CEP70: variants seen among roughly 807,000 people sequenced by gnomAD.
CEP70 encodes the protein centrosomal protein 70.
CEP70 carries 70 observed loss-of-function variants against 90.9 expected under a neutral mutation model. The observed-to-expected ratio is 0.77, with a 90% CI of 0.64 to 0.94. The LOEUF is 0.94. Among genes scored for constraint, CEP70 ranks in the 40% least tolerant of loss-of-function variants. The pLI is 0.00. For synonymous variants in CEP70, 220 were observed against 228.3 expected (o/e 0.96, Z 0.33); for missense variants, 648 against 669.0 (o/e 0.97, Z 0.35).
In CEP70 at chr3:138,571,295, A is replaced by G; in HGVS notation, c.131T>C (p.Leu44Ser). ...GAGATCTGTTCTTTTGACTAGAGAC[A>G]AAGGTTTTAAGCCATGCATCATCAA... is the stretch of plus-strand genomic sequence containing the variant. The part of the protein sequence containing the change: ...VLLMMHGLKP[L>S]SLVKRTDLKD... Residue 44 changes from leucine to serine, a missense_variant, in exon 4 of 18, where the codon TTG (leucine) becomes TCG (serine). By Grantham distance (145) the Leu-to-Ser change is moderately radical. Coordinates refer to ENST00000264982, the MANE Select transcript of CEP70 (RefSeq NM_024491.4). The G allele has an allele frequency of 6.2e-7, 1 of 1,610,984 alleles. No individual in the cohort carries two copies. The highest frequency in any genetic ancestry group is 8.5e-7 in the Non-Finnish European group (1 of 1,178,414).
In CEP70 at chr3:138,572,915, C is replaced by T. The variant is rs1300626056; in HGVS notation, c.13G>A (p.Ala5Thr). 3.1e-6 allele frequency: 5 copies of T among 1,609,738 alleles called. No individual in the cohort carries two copies. The highest frequency in any genetic ancestry group is 4.2e-6 in the Non-Finnish European group (5 of 1,177,490). ...TGACTGGAATCCTGGGGTTTAGGGG[C>T]TACCGGAAACATAGTTACTTTTGTA... is the stretch of plus-strand genomic sequence containing the variant. MFPV[A>T]PKPQDSSQPS... The change falls in exon 3 of 18, where the codon GCC (alanine) becomes ACC (threonine). Residue 5 changes from alanine (A) to threonine (T), a missense_variant. Coordinates refer to ENST00000264982, the MANE Select transcript of CEP70 (RefSeq NM_024491.4).
chr3:138,530,858 C>T, intron 8 of CEP70: 1 of 984,566 alleles, frequency 1.0e-6, no homozygotes, highest in Non-Finnish European at 1.2e-6. Context: ...ATCTCACTTT[C>T]AAGTTAGTAC....
intron 6 of CEP70, among the ~76,000 whole-genome samples, chr3:138,564,128 C>G (rs1255997315): frequency 6.6e-6 from 1 of 152,174 alleles, no homozygotes; most frequent in African/African-American, 2.4e-5. Flanking sequence ...GACACATACA[C>G]CCTCCCAAGT....
In CEP70 at chr3:138,591,872, C is replaced by G. The variant is rs1463756154; in HGVS notation, c.-24G>C. On this transcript the variant is annotated 5_prime_UTR_variant, in exon 2 of 18. Transcript: ENST00000264982. ...GACATACCTCAGTCATAGCATATTA[C>G]TCTTGCACTTTACACCTGGTCATTC... The G allele has an allele frequency of 2.6e-6, 4 of 1,522,702 alleles. No homozygotes were observed. Among genetic ancestry groups the G allele is most frequent in the Non-Finnish European group, 3.5e-6 (4 of 1,141,240 alleles). The allele number at this position is 1,522,702 out of a possible 1,614,324, so 94.3% of individuals were successfully genotyped here.
intron 11 of CEP70, among the ~76,000 whole-genome samples, chr3:138,522,382 C>A (rs1002824681): frequency 2.0e-5 from 3 of 150,004 alleles, no homozygotes; most frequent in Non-Finnish European, 3.0e-5. Flanking sequence ...CAGAGCAGAA[C>A]TGAAGGAAAT....
rs113169450 is a variant in CEP70 at position 138,500,549 on chromosome 3, A to G, written c.1387T>C (p.Phe463Leu). 1.1e-4 allele frequency: 180 copies of G among 1,607,962 alleles called. 4 individuals are homozygous for G. The African/African-American group carries it at 1.7e-3, about 15-fold the overall frequency. ...GAAACAATAGCTTGCAAAGTTTGAA[A>G]GTGTGGCATATTGCTGTCCTGTCCA... is the stretch of plus-strand genomic sequence containing the variant. ...NKEKDSNMPHFQTLQAIVSHF... is the reference protein window; with the variant it reads ...NKEKDSNMPHLQTLQAIVSHF... The change falls in exon 15 of 18, where the codon TTT (phenylalanine) becomes CTT (leucine). Residue 463 changes from phenylalanine to leucine, a missense_variant. Phe to Leu is a conservative substitution (Grantham distance 22). Transcript: ENST00000264982.
At chr3:138,495,840 C>T in intron 17 of CEP70, 1 of 976,530 alleles carries the variant, frequency 1.0e-6, no homozygotes, top group South Asian at 4.7e-5. Flanking sequence ...TGACAGAGAG[C>T]AAGACTATGT....
intron 16 of CEP70, among the ~76,000 whole-genome samples, chr3:138,499,628 C>T (rs1164081445): frequency 2.0e-5 from 3 of 152,204 alleles, no homozygotes; most frequent in Non-Finnish European, 4.4e-5. Flanking sequence ...CTTAGATTGT[C>T]AAGTTACTTA....
chr3:138,548,916 C>T (rs918833023), intron 6 of CEP70, among the ~76,000 whole-genome samples: 5 of 152,178 alleles, frequency 3.3e-5, no homozygotes, highest in African/African-American at 1.2e-4. Context: ...AGAGATTGTC[C>T]ACCCCTGAAT....
At chr3:138,546,334 T>A (rs1388985101) in intron 6 of CEP70, among the ~76,000 whole-genome samples, 1 of 152,234 alleles carries the variant, frequency 6.6e-6, no homozygotes, top group East Asian at 1.9e-4. Flanking sequence ...CTAAGATTTA[T>A]ACAAAGGAAT....
chr3:138,559,242 T>G (rs572508047), intron 6 of CEP70, among the ~76,000 whole-genome samples: 26 of 152,126 alleles, frequency 1.7e-4, no homozygotes, highest in Non-Finnish European at 2.9e-4. Context: ...GGGTAGTCAA[T>G]GATAAATACT....
chr3:138,536,868 C>T (rs814022), intron 7 of CEP70: 81,552 of 166,152 alleles, frequency 0.49, 20,609 homozygotes, highest in African/African-American at 0.6. Flanking sequence ...ACCCATACAG[C>T]GATCTCTCAA....
intron 11 of CEP70, among the ~76,000 whole-genome samples, chr3:138,518,970 T>C (rs1444951355): frequency 6.6e-6 from 1 of 151,722 alleles, no homozygotes; most frequent in African/African-American, 2.4e-5. Context: ...GAATAACCAA[T>C]GCAGAGAAGT....
chr3:138,510,148 C>G (rs1204151563), intron 11 of CEP70, among the ~76,000 whole-genome samples: 3 of 151,690 alleles, frequency 2.0e-5, no homozygotes, highest in Admixed American at 2.0e-4. Context: ...GCAAAAGTTA[C>G]AGCCACAGTG....
chr3:138,577,875 A>G (rs2041638963), intron 2 of CEP70, among the ~76,000 whole-genome samples: 1 of 152,244 alleles, frequency 6.6e-6, no homozygotes, highest in Admixed American at 6.5e-5. Context: ...AACACTAAAA[A>G]GCCACTTAAA....
intron 2 of CEP70, among the ~76,000 whole-genome samples, chr3:138,578,831 A>G (rs1169580784): frequency 6.6e-6 from 1 of 152,254 alleles, no homozygotes; most frequent in African/African-American, 2.4e-5. Flanking sequence ...ATGACTGAAC[A>G]GAAGCCTCCA....
intron 11 of CEP70, among the ~76,000 whole-genome samples, chr3:138,523,817 T>G (rs2036933365): frequency 6.6e-6 from 1 of 152,034 alleles, no homozygotes; most frequent in Non-Finnish European, 1.5e-5. Flanking sequence ...ATTTATAGAT[T>G]CAATGCCATC....
At position 138,572,405 on chromosome 3, in the gene CEP70, T is replaced by C. The variant is rs116682856; in HGVS notation, c.69+454A>G. On this transcript the variant is annotated intron_variant, in intron 3 of 17. Coordinates refer to ENST00000264982, the MANE Select transcript of CEP70 (RefSeq NM_024491.4). ...CAACTAAAATTAACATTGATGTTGT[T>C]TTAGGAGCCAAAAGCTCTGAGTTAG... Among the ~76,000 whole-genome samples, 529 of 152,114 alleles carry C rather than the reference T, an allele frequency of 3.5e-3. 5 individuals are homozygous for C. The highest frequency in any genetic ancestry group is 0.012 in the African/African-American group (500 of 41,572).
At chr3:138,539,415 C>T (rs992420330) in intron 6 of CEP70, among the ~76,000 whole-genome samples, 1 of 152,116 alleles carries the variant, frequency 6.6e-6, no homozygotes, top group African/African-American at 2.4e-5. Flanking sequence ...ACTCAGTGAA[C>T]TCCAATATAA....
Sources: gnomAD v4.1 joint callset for allele counts (sites outside exome capture counted in the v4.1 genomes callset) on GRCh38, gnomAD v4.1.1 for gene constraint, MANE v1.5 for transcripts, NCBI Gene and HGNC (gene_info 2026-07-23, HGNC 2026-07-21) for gene names.